FER: variants seen among roughly 807,000 people sequenced by gnomAD.
FER encodes tyrosine-protein kinase Fer.
FER carries 63 observed loss-of-function variants against 111.0 expected under a neutral mutation model. The ratio of observed to expected loss-of-function variants is 0.57; its 90% confidence interval spans 0.46 to 0.70. The LOEUF (loss-of-function observed/expected upper bound fraction) is 0.70. Among genes scored for constraint, FER ranks in the 30% least tolerant of loss-of-function variants. FER has a pLI of 0.00. For synonymous variants in FER, 327 were observed against 313.9 expected, an observed-to-expected ratio of 1.04 and a Z score of -0.44; for missense variants, 914 against 954.0, an observed-to-expected ratio of 0.96 and a Z score of 0.55.
chr5:108,887,578 T>A (rs988850411), intron 9 of FER, among the ~76,000 whole-genome samples: 4 of 151,742 alleles, frequency 2.6e-5, no homozygotes, highest in African/African-American at 4.8e-5. Flanking sequence ...TATAAAAAAA[T>A]TTTAATGTAT....
At chr5:108,764,715 A>G (rs183371084) in intron 1 of FER, among the ~76,000 whole-genome samples, 1 of 152,320 alleles carries the variant, frequency 6.6e-6, no homozygotes, top group Non-Finnish European at 1.5e-5. Context: ...ATAATTTTAA[A>G]TGGTTGTAAA....
At chr5:108,927,754 AT>A (rs1753987211) in intron 10 of FER, among the ~76,000 whole-genome samples, 1 of 152,078 alleles carries the variant, frequency 6.6e-6, no homozygotes, top group Non-Finnish European at 1.5e-5. Context: ...ACTTTTGGTC[AT>A]TTTGGGATGA....
At chr5:109,122,637 T>C (rs544502278) in intron 17 of FER, among the ~76,000 whole-genome samples, 1 of 151,978 alleles carries the variant, frequency 6.6e-6, no homozygotes, top group Admixed American at 6.5e-5. Flanking sequence ...ATTTTCTGTA[T>C]GGATGGTATG....
At chr5:108,956,205 A>G (rs1400896533) in intron 12 of FER, among the ~76,000 whole-genome samples, 1 of 151,596 alleles carries the variant, frequency 6.6e-6, no homozygotes, top group African/African-American at 2.4e-5. Flanking sequence ...TAATTTGTAT[A>G]TGCCTTTAAG....
chr5:109,090,921 G>A (rs1266266949), intron 16 of FER, among the ~76,000 whole-genome samples: 2 of 152,172 alleles, frequency 1.3e-5, no homozygotes, highest in African/African-American at 2.4e-5. Flanking sequence ...GGGACAGAGA[G>A]CTTGGAGTGC....
At chr5:109,061,473 G>GA (rs1774408546) in intron 16 of FER, among the ~76,000 whole-genome samples, 2 of 152,260 alleles carry the variant, frequency 1.3e-5, no homozygotes, top group African/African-American at 4.8e-5. Context: ...CAGAGAGCTT[G>GA]AAGTGACCTG....
rs1758214832 is a variant in FER, at chr5:109,180,845, C to A, written c.2147C>A (p.Ser716Tyr). 2 of 1,613,672 alleles carry A rather than the reference C, an allele frequency of 1.2e-6. No homozygotes were observed. Residue 716 changes from serine to tyrosine, a missense_variant, in exon 18 of 20, where the codon TCT becomes TAT. By Grantham distance (144) the Ser-to-Tyr change is moderately radical. This residue lies in a region of FER where 134 missense variants were observed against 149.4 expected (regional missense o/e 0.90). Coordinates refer to ENST00000281092, the MANE Select transcript of FER (RefSeq NM_005246.4). The part of the protein sequence containing the change: ...SRQEDGGVYS[S>Y]SGLKQIPIKW... ...CAAGAGGATGGTGGAGTGTATTCAT[C>A]TTCTGGCTTAAAGCAGATTCCCATT...
At chr5:108,892,059 C>G (rs1300128887) in intron 9 of FER, among the ~76,000 whole-genome samples, 4 of 152,108 alleles carry the variant, frequency 2.6e-5, no homozygotes, top group South Asian at 2.1e-4. Context: ...TTAATCCAGT[C>G]TATCATTGTT....
intron 13 of FER, among the ~76,000 whole-genome samples, chr5:108,992,071 G>A (rs373757270): frequency 2.0e-5 from 3 of 151,908 alleles, no homozygotes; most frequent in Admixed American, 2.0e-4. Context: ...AGGGAGTGGT[G>A]ATGACTCTTA....
At chr5:108,859,278 CCTT>C (rs1763286754) in intron 5 of FER, among the ~76,000 whole-genome samples, 1 of 152,196 alleles carries the variant, frequency 6.6e-6, no homozygotes, top group Non-Finnish European at 1.5e-5. Context: ...GTAGAGCAGA[CCTT>C]CTTTTTCTGA....
At position 108,826,659 on chromosome 5, in the gene FER, T is replaced by C. The variant is rs576757929; in HGVS notation, c.208-6111T>C. ...CCTCCTTTTCAGTTTTCTAGAGTAG[T>C]TTGAAAAGGACTGATGTCAATTCTT... is the stretch of plus-strand genomic sequence containing the variant. On this transcript the variant is annotated intron_variant, in intron 3 of 19. Coordinates refer to ENST00000281092, the MANE Select transcript of FER (RefSeq NM_005246.4). Among the ~76,000 whole-genome samples the C allele has an allele frequency of 5.3e-5, 8 of 152,376 alleles. No homozygotes were observed. The East Asian group carries it at 1.5e-3, about 29-fold the overall frequency.
rs202162884 is a variant in FER at position 108,859,920 on chromosome 5, CTAT to C, written c.482-7812_482-7810del. Among the ~76,000 whole-genome samples the C allele has an allele frequency of 6.5e-3, 925 of 141,574 alleles. 4 individuals carry two copies. Among genetic ancestry groups the C allele is most frequent in the Middle Eastern group, 0.018 (5 of 274 alleles). The allele number at this position is 141,574 out of a possible 152,430, so 92.9% of individuals were successfully genotyped here. ...TAAAAGTAGCAAGATATGTATATAC[CTAT>C]TATTATTATTATTATTATTATTATT... On this transcript the variant is annotated intron_variant, in intron 5 of 19. Coordinates refer to ENST00000281092, the MANE Select transcript of FER (RefSeq NM_005246.4).
At chr5:109,149,667 A>T (rs921616380) in intron 17 of FER, among the ~76,000 whole-genome samples, 10 of 152,160 alleles carry the variant, frequency 6.6e-5, no homozygotes, top group Non-Finnish European at 1.2e-4. Context: ...GATTACTTTA[A>T]AAAGGAGTAA....
chr5:108,803,091 A>G (rs12719099), intron 3 of FER, among the ~76,000 whole-genome samples: 29,455 of 152,040 alleles, frequency 0.19, 3,094 homozygotes, highest in African/African-American at 0.28. Flanking sequence ...TTATCTGATA[A>G]TTAATGACGT....
intron 13 of FER, among the ~76,000 whole-genome samples, chr5:109,008,998 C>T (rs1158077059): frequency 2.7e-5 from 4 of 150,832 alleles, no homozygotes; most frequent in Non-Finnish European, 1.5e-5. Flanking sequence ...AACAACAAAA[C>T]AATAGCCAAA....
intron 5 of FER, among the ~76,000 whole-genome samples, chr5:108,854,397 G>A (rs953436447): frequency 6.6e-6 from 1 of 152,084 alleles, no homozygotes; most frequent in Non-Finnish European, 1.5e-5. Context: ...TGTGAAAATT[G>A]CACCACATAG....
intron 16 of FER, among the ~76,000 whole-genome samples, chr5:109,079,145 A>G (rs1323857490): frequency 6.6e-6 from 1 of 152,162 alleles, no homozygotes; most frequent in African/African-American, 2.4e-5. Flanking sequence ...CAAGACTGAG[A>G]CAAACAGATA....
chr5:109,133,602 T>C (rs1030014199), intron 17 of FER, among the ~76,000 whole-genome samples: 1 of 152,244 alleles, frequency 6.6e-6, no homozygotes, highest in South Asian at 2.1e-4. Context: ...ATCTCTGGGA[T>C]AAAAAAGAAA....
chr5:108,992,788 G>A (rs181890796), intron 13 of FER, among the ~76,000 whole-genome samples: 2,835 of 151,138 alleles, frequency 0.019, 186 homozygotes, highest in East Asian at 0.15. Context: ...CAGACGGGGC[G>A]GTTGCCAGGC....
Sources: allele counts gnomAD v4.1 joint callset (sites outside exome capture counted in the v4.1 genomes callset), GRCh38; gene constraint gnomAD v4.1.1; regional missense constraint gnomAD v4.1.1; transcripts MANE v1.5; gene names NCBI Gene and HGNC (gene_info 2026-07-23, HGNC 2026-07-21).